The following FCSK variants were observed in gnomAD, a reference collection of about 807,000 sequenced individuals.
FCSK encodes fucose kinase, also known as L-fucose kinase.
FCSK carries 123 observed loss-of-function variants against 122.5 expected under a neutral mutation model. The observed-to-expected ratio is 1.00, with a 90% confidence interval of 0.87 to 1.17. The LOEUF is 1.17. FCSK is among the 50% of genes most tolerant of loss of function. FCSK has a pLI of 0.00. For synonymous variants in FCSK, 620 were observed against 625.5 expected, an observed-to-expected ratio of 0.99 and a Z score of 0.13; for missense variants, 1,366 against 1,450.4, an observed-to-expected ratio of 0.94 and a Z score of 0.95.
Position 70,479,733 on chromosome 16 carries a change from C to A in FCSK, c.*53C>A. 1.4e-6 allele frequency: 2 copies of A among 1,435,988 alleles called. No homozygotes were observed. The highest frequency in any genetic ancestry group is 1.2e-5 in the South Asian group (1 of 83,260). The allele number at this position is 1,435,988 out of a possible 1,614,324, so 89.0% of individuals were successfully genotyped here. On this transcript the variant is annotated 3_prime_UTR_variant, in exon 24 of 24. Coordinates refer to ENST00000288078, the MANE Select transcript of FCSK (RefSeq NM_145059.3). The stretch of plus-strand genomic sequence containing the variant: ...AACCTGGAGCTACAGTGTCCCCCAC[C>A]TTCCTTGCCCCATGGGAACCTCCAC...
intron 20 of FCSK, 38 bp from the exon 21 acceptor site, chr16:70,478,234 C>T (rs762918968): frequency 6.2e-7 from 1 of 1,604,112 alleles, no homozygotes; most frequent in Non-Finnish European, 8.5e-7. Flanking sequence ...GAAGCTGGGC[C>T]AGATAGACTC....
At chr16:70,467,604 G>A (rs190383706) in intron 7 of FCSK, 133 bp downstream of exon 7, 9 of 720,478 alleles carry the variant, frequency 1.2e-5, no homozygotes, top group South Asian at 9.0e-5. Context: ...AGTTTCCTCC[G>A]TGGCAGTGGC....
At chr16:70,470,578 G>C in intron 11 of FCSK, 152 bp downstream of exon 11, 1 of 619,888 alleles carries the variant, frequency 1.6e-6, no homozygotes, top group Non-Finnish European at 2.8e-6. Context: ...GCTCAGAGAG[G>C]CTAAGTAACT....
At position 70,468,899 on chromosome 16, in the gene FCSK, C is replaced by T. The variant is rs369101505; in HGVS notation, c.714C>T (p.Ala238=). 1.4e-5 allele frequency: 23 copies of T among 1,613,936 alleles called. No individual in the cohort carries two copies. In the African/African-American group the frequency reaches 3.1e-4, roughly 22 times the overall value. ...TGGAGACTGCCGAGCGCCTCCTAGCCACCCACGTGAGCCCGCCCCTGGATG... is the reference window on the plus strand; with the variant it reads ...TGGAGACTGCCGAGCGCCTCCTAGCTACCCACGTGAGCCCGCCCCTGGATG... ...FSVETAERLL[A]THVSPPLDAC... Residue 238 remains alanine, a synonymous_variant, in exon 9 of 24, where the codon GCC becomes GCT. Coordinates refer to ENST00000288078, the MANE Select transcript of FCSK (RefSeq NM_145059.3).
intron 22 of FCSK, 60 bp from the exon 23 acceptor site, chr16:70,479,120 C>T (rs542893126): frequency 3.0e-6 from 4 of 1,312,068 alleles, no homozygotes; most frequent in South Asian, 2.5e-5. Flanking sequence ...TTCATGCAAT[C>T]TCCAGATGGG....
At chr16:70,454,742 G>C (rs2048035261) in intron 1 of FCSK, 112 bp downstream of exon 1, 1 of 152,084 alleles carries the variant, frequency 6.6e-6, no homozygotes, top group African/African-American at 2.4e-5. Context: ...GTCGACCCGC[G>C]GGCCGCCCGG....
In FCSK at chr16:70,469,264, A is replaced by G. The variant is rs1015716972; in HGVS notation, c.896A>G (p.Tyr299Cys). ...LGQGDADVAG[Y>C]LQSARAQLWR... ...CAAGGCGATGCAGATGTAGCGGGTT[A>G]TCTGCAGAGCGCCCGGGCCCAGCTG... The change falls in exon 10 of 24, where the codon TAT becomes TGT. Residue 299 changes from tyrosine to cysteine, a missense_variant. Tyr to Cys is a radical substitution (Grantham distance 194). Coordinates refer to ENST00000288078, the MANE Select transcript of FCSK (RefSeq NM_145059.3). The G allele has an allele frequency of 6.2e-7, 1 of 1,613,432 alleles. No individual in the cohort carries two copies. The highest frequency in any genetic ancestry group is 1.1e-5 in the South Asian group (1 of 91,080).
Position 70,478,556 on chromosome 16 carries a change from G to C in FCSK, c.2835G>C (p.Val945=). 1 of 1,613,748 alleles carries C rather than the reference G, an allele frequency of 6.2e-7. No individual in the cohort carries two copies. The change falls in exon 22 of 24, where the codon GTG becomes GTC. Residue 945 remains valine, a synonymous_variant. Coordinates refer to ENST00000288078, the MANE Select transcript of FCSK (RefSeq NM_145059.3). ...TRLARNLLQD[V]LRSWYARLPA... ...TTCTCCTGCCCCGTCCGCAGGATGTGCTGAGGAGCTGGTATGCCCGACTTC... is the reference window on the plus strand; with the variant it reads ...TTCTCCTGCCCCGTCCGCAGGATGTCCTGAGGAGCTGGTATGCCCGACTTC...
intron 12 of FCSK, 37 bp from the exon 13 acceptor site, chr16:70,471,145 C>T (rs758368287): frequency 3.5e-5 from 56 of 1,591,554 alleles, no homozygotes; most frequent in Middle Eastern, 1.7e-4. Context: ...GTGTTGGGTG[C>T]CTGCCCACCC....
At position 70,479,325 on chromosome 16, in the gene FCSK, C is replaced by CA; in HGVS notation, c.3075_3076insA (p.Gly1026ArgfsTer37). 1 of 1,613,946 alleles carries CA rather than the reference C, an allele frequency of 6.2e-7. No homozygotes were observed. The highest frequency in any genetic ancestry group is 8.5e-7 in the Non-Finnish European group (1 of 1,180,020). ...ATGGCCAGAGCCTGGCTGGGGCAGG[C>CA]GGTGGAGGCTTTCTCTATCTGTTGA... On this transcript the variant is annotated frameshift_variant, in exon 23 of 24. Coordinates refer to ENST00000288078, the MANE Select transcript of FCSK (RefSeq NM_145059.3). LOFTEE classifies it high-confidence loss of function.
At position 70,479,587 on chromosome 16, in the gene FCSK, G is replaced by C; in HGVS notation, c.3162G>C (p.Gly1054=). The C allele has an allele frequency of 1.9e-6, 3 of 1,613,980 alleles. No individual in the cohort carries two copies. The highest frequency in any genetic ancestry group is 2.5e-6 in the Non-Finnish European group (3 of 1,179,896). ...CTTCCTGTCTTGTCCAGGGCCTTGG[G>C]AATTACAGCATCCACCTGGTTGAAG... ...EAVLAKTEGL[G]NYSIHLVEVD... is the part of the protein sequence containing the mutation. The change falls in exon 24 of 24, where the codon GGG becomes GGC. Residue 1054 remains glycine, a synonymous_variant. Transcript: ENST00000288078.
At position 70,472,395 on chromosome 16, in the gene FCSK, A is replaced by C. The variant is rs563975357; in HGVS notation, c.1342-146A>C. The C allele has an allele frequency of 6.7e-6, 4 of 597,550 alleles. 1 individual carries two copies. In the South Asian group the frequency reaches 8.6e-5, roughly 13 times the overall value. The allele number at this position is 597,550 out of a possible 1,614,324, so 37.0% of individuals were successfully genotyped here. A position where few individuals can be genotyped will look rare whatever the true frequency, so the allele number is the denominator to read the frequency against. On this transcript the variant is annotated intron_variant, in intron 13 of 23. Transcript: ENST00000288078. ...TGCAGTGAGCTGACCACACCACTGCACTCCAGCCTGGGTGGGTCAAGTATG... is the reference window on the plus strand; with the variant it reads ...TGCAGTGAGCTGACCACACCACTGCCCTCCAGCCTGGGTGGGTCAAGTATG...
rs2048946410 is a variant in FCSK, at chr16:70,479,963, T to C, written c.*283T>C. On this transcript the variant is annotated 3_prime_UTR_variant, in exon 24 of 24. Coordinates refer to ENST00000288078, the MANE Select transcript of FCSK (RefSeq NM_145059.3). ...CAAATCCTATGGCTGGCCTTCTCATTCCACAAGGGCCCTGGAAAGGGTTGA... is the reference window on the plus strand; with the variant it reads ...CAAATCCTATGGCTGGCCTTCTCATCCCACAAGGGCCCTGGAAAGGGTTGA... The C allele has an allele frequency of 3.4e-6, 1 of 296,382 alleles. No homozygotes were observed. Among genetic ancestry groups the C allele is most frequent in the Non-Finnish European group, 6.4e-6 (1 of 157,390 alleles). The allele number at this position is 296,382 out of a possible 1,614,324, so 18.4% of individuals were successfully genotyped here. A position where few individuals can be genotyped will look rare whatever the true frequency, so the allele number is the denominator to read the frequency against.
chr16:70,466,983 T>G lies in FCSK; in HGVS notation c.484+29T>G, dbSNP rs777646572. 3.1e-6 allele frequency: 5 copies of G among 1,603,902 alleles called. No homozygotes were observed. The Admixed American group carries it at 5.0e-5, about 16-fold the overall frequency. On this transcript the variant is annotated intron_variant, in intron 6 of 23. Coordinates refer to ENST00000288078, the MANE Select transcript of FCSK (RefSeq NM_145059.3). ...AGCCTGAGACTACCTGGGACTGCCTTCCTTCGTCACAGCCACAGCAAGAAG... is the reference window on the plus strand; with the variant it reads ...AGCCTGAGACTACCTGGGACTGCCTGCCTTCGTCACAGCCACAGCAAGAAG...
At chr16:70,467,534 C>T (rs534816410) in intron 7 of FCSK, 63 bp downstream of exon 7, 703 of 1,277,742 alleles carry the variant, frequency 5.5e-4, no homozygotes, top group Non-Finnish European at 7.1e-4. Flanking sequence ...TGGGCAGCCT[C>T]CTCCCTGTCA....
At chr16:70,459,656 C>CT (rs1333103356) in intron 1 of FCSK, among the ~76,000 whole-genome samples, 14,919 of 129,982 alleles carry the variant, frequency 0.11, 3,540 homozygotes, top group African/African-American at 0.42. Context: ...ATTTCTCCGT[C>CT]TTTTTTTTTT....
chr16:70,461,540 G>A (rs746173925), intron 1 of FCSK, among the ~76,000 whole-genome samples: 9 of 152,212 alleles, frequency 5.9e-5, no homozygotes, highest in South Asian at 4.2e-4. Flanking sequence ...GGAAGATGGC[G>A]GGCAGGTAGG....
chr16:70,474,481 C>G, intron 16 of FCSK, 47 bp from the exon 17 acceptor site: 1 of 1,546,576 alleles, frequency 6.5e-7, no homozygotes, highest in South Asian at 1.2e-5. Context: ...GCAATCTGCC[C>G]CCAGCTTGGG....
chr16:70,467,995 C>T (rs755550010), intron 8 of FCSK, 29 bp downstream of exon 8: 2 of 1,549,750 alleles, frequency 1.3e-6, no homozygotes, highest in South Asian at 2.2e-5. Context: ...GGTTGCGGGG[C>T]TTTGGGGACC....
Sources: allele counts gnomAD v4.1 joint callset (sites outside exome capture counted in the v4.1 genomes callset), GRCh38; gene constraint gnomAD v4.1.1; transcripts MANE v1.5; gene names NCBI Gene and HGNC (gene_info 2026-07-23, HGNC 2026-07-21).